The following CDC42BPB variants were observed in gnomAD, a reference collection of about 807,000 sequenced individuals.
CDC42BPB encodes serine/threonine-protein kinase MRCK beta.
CDC42BPB carries 37 observed loss-of-function variants against 214.9 expected under a neutral mutation model. The observed-to-expected ratio is 0.17, with a 90% CI of 0.13 to 0.23. The LOEUF (loss-of-function observed/expected upper bound fraction) is 0.23, where lower values mean the gene tolerates loss of function less well. Among genes scored for constraint, CDC42BPB ranks in the 10% least tolerant of loss-of-function variants. The probability of loss-of-function intolerance (pLI) is 1.00; values close to 1 mark genes in which losing one functional copy is unlikely to be tolerated. For synonymous variants in CDC42BPB, 931 were observed against 884.0 expected (o/e 1.05, Z -0.94); for missense variants, 1,694 against 2,227.0 (o/e 0.76, Z 4.82).
chr14:103,056,511 G>T (rs1032509163), intron 1 of CDC42BPB, among the ~76,000 whole-genome samples: 2 of 152,036 alleles, frequency 1.3e-5, no homozygotes, highest in African/African-American at 4.8e-5. Flanking sequence ...AGAGAAGCGT[G>T]GGGTGGGGAA....
At chr14:102,950,317 C>A in intron 25 of CDC42BPB, 149 bp downstream of exon 25, 1 of 1,127,566 alleles carries the variant, frequency 8.9e-7, no homozygotes, top group Non-Finnish European at 1.3e-6. Flanking sequence ...GACCTGATGG[C>A]CTCAGTGCCC....
rs185163725 is a variant in CDC42BPB, at chr14:103,053,577, C to T, written c.175+3422G>A. On this transcript the variant is annotated intron_variant, in intron 1 of 36. Transcript: ENST00000361246. The stretch of plus-strand genomic sequence containing the variant: ...GAGATCGAGACCATCCTGGCTAACA[C>T]GGTGAAACCCCGTCTCTACTAAAAA... Among the ~76,000 whole-genome samples the T allele has an allele frequency of 5.1e-3, 770 of 151,046 alleles. 6 individuals are homozygous for T. Among genetic ancestry groups the T allele is most frequent in the African/African-American group, 0.015 (605 of 41,234 alleles).
intron 14 of CDC42BPB, 58 bp downstream of exon 14, chr14:102,970,093 C>T (rs376719574): frequency 1.5e-4 from 208 of 1,345,142 alleles, no homozygotes; most frequent in African/African-American, 6.3e-4. Context: ...CATGTGGTGG[C>T]GTCAGCAAAG....
chr14:102,963,892 C>T lies in CDC42BPB; in HGVS notation c.2726+610G>A, dbSNP rs116378942. ...AATTCTGTTAGAGACACTGTCCCTTCCAGGTCCTCGCCTGCCTCATGGCAC... is the reference window on the plus strand; with the variant it reads ...AATTCTGTTAGAGACACTGTCCCTTTCAGGTCCTCGCCTGCCTCATGGCAC... On this transcript the variant is annotated intron_variant, in intron 19 of 36. Coordinates refer to ENST00000361246, the MANE Select transcript of CDC42BPB (RefSeq NM_006035.4). Among the ~76,000 whole-genome samples, 855 of 152,324 alleles carry T rather than the reference C, an allele frequency of 5.6e-3. 10 individuals are homozygous for T. The highest frequency in any genetic ancestry group is 0.02 in the African/African-American group (830 of 41,570).
chr14:102,972,688 C>CAAAAAAAAAAAAAAAAAAA, intron 12 of CDC42BPB, among the ~76,000 whole-genome samples: 1 of 44,978 alleles, frequency 2.2e-5, no homozygotes, highest in Non-Finnish European at 3.9e-5. Flanking sequence ...GACTCTGCCT[C>CAAAAAAAAAAAAAAAAAAA]AAAAAAAAAA....
chr14:102,981,246 G>C (rs1893983554), intron 7 of CDC42BPB: 3 of 923,124 alleles, frequency 3.2e-6, no homozygotes, highest in Non-Finnish European at 2.6e-6. Flanking sequence ...CACACTGCAT[G>C]TAAATGACAC....
rs149028626 is a variant in CDC42BPB, at chr14:103,036,973, G to A, written c.175+20026C>T. Among the ~76,000 whole-genome samples, 56 of 151,882 alleles carry A rather than the reference G, an allele frequency of 3.7e-4. No homozygotes were observed. The East Asian group carries it at 7.4e-3, about 20-fold the overall frequency. On this transcript the variant is annotated intron_variant, in intron 1 of 36. Transcript: ENST00000361246. ...CTAGGACACAGGCCCACACCACCACGTCCAGCTAATTTTTGTGTTTTTTTT... is the reference window on the plus strand; with the variant it reads ...CTAGGACACAGGCCCACACCACCACATCCAGCTAATTTTTGTGTTTTTTTT...
At chr14:102,968,120 A>C (rs1893302090) in intron 16 of CDC42BPB, 133 bp downstream of exon 16, 1 of 648,298 alleles carries the variant, frequency 1.5e-6, no homozygotes, top group Non-Finnish European at 2.6e-6. Context: ...AACTTCCAAG[A>C]CTCAAGAATG....
chr14:102,987,817 ACACACACG>A (rs1251169505), intron 5 of CDC42BPB, among the ~76,000 whole-genome samples: 4 of 151,698 alleles, frequency 2.6e-5, no homozygotes, highest in African/African-American at 7.3e-5. Context: ...ACACACACAC[ACACACACG>A]GCCAGGTGCA....
chr14:102,945,098 G>T (rs1048325794), intron 29 of CDC42BPB: 1 of 360,618 alleles, frequency 2.8e-6, no homozygotes, highest in Non-Finnish European at 5.6e-6. Context: ...CTCGCCCAGC[G>T]GCTGCCCCGC....
intron 1 of CDC42BPB, chr14:103,041,955 G>A: frequency 2.8e-6 from 1 of 357,612 alleles, no homozygotes; most frequent in Non-Finnish European, 5.6e-6. Context: ...GTAAGAAGGA[G>A]AAAGCCCAAG....
At position 102,975,874 on chromosome 14, in the gene CDC42BPB, T is replaced by C. The variant is rs907486919; in HGVS notation, c.1387+9A>G. On this transcript the variant is annotated intron_variant, in intron 10 of 36. Transcript: ENST00000361246. ...CCCCGCCTGGCCCCGGAGCCGGCGC[T>C]GCCCTCACCTTGCAGCTTCCTGCTC... 1 of 1,614,008 alleles carries C rather than the reference T, an allele frequency of 6.2e-7. No homozygotes were observed. Among genetic ancestry groups the C allele is most frequent in the African/African-American group, 1.3e-5 (1 of 74,938 alleles).
intron 1 of CDC42BPB, among the ~76,000 whole-genome samples, chr14:103,056,307 A>G (rs1888945361): frequency 6.6e-6 from 1 of 152,224 alleles, no homozygotes; most frequent in African/African-American, 2.4e-5. Flanking sequence ...TATTTAAAAT[A>G]AAGCCTTAAC....
intron 21 of CDC42BPB, among the ~76,000 whole-genome samples, chr14:102,958,255 G>A (rs756720187): frequency 2.6e-5 from 4 of 152,188 alleles, no homozygotes; most frequent in Admixed American, 1.3e-4. Flanking sequence ...TGCCCCAATC[G>A]TAGGAAATAA....
chr14:103,047,145 T>C (rs1287236929), intron 1 of CDC42BPB, among the ~76,000 whole-genome samples: 1 of 148,492 alleles, frequency 6.7e-6, no homozygotes, highest in Non-Finnish European at 1.5e-5. Context: ...TTAGCTGGGC[T>C]TGGTGGTGGA....
intron 1 of CDC42BPB, among the ~76,000 whole-genome samples, chr14:103,036,153 CTTT>C (rs564909240): frequency 7.4e-5 from 10 of 135,938 alleles, no homozygotes; most frequent in African/African-American, 8.3e-5. Flanking sequence ...ATAAAATATT[CTTT>C]TTTTTTTTTT....
In CDC42BPB at chr14:103,041,640, G is replaced by C. The variant is rs1037345040; in HGVS notation, c.175+15359C>G. 6.0e-5 allele frequency: 41 copies of C among 687,528 alleles called. 2 individuals carry two copies. The South Asian group carries it at 6.8e-4, about 11-fold the overall frequency. 42.6% of individuals were successfully genotyped at this position (687,528 alleles called of 1,614,324 possible). On this transcript the variant is annotated intron_variant, in intron 1 of 36. Coordinates refer to ENST00000361246, the MANE Select transcript of CDC42BPB (RefSeq NM_006035.4). ...CGTTGGGACCCATCCGGCCCATCGT[G>C]TGGTGCCGCACAGTGCGAAATCACA...
chr14:102,962,779 G>A lies in CDC42BPB; in HGVS notation c.2821+282C>T, dbSNP rs566855450. On this transcript the variant is annotated intron_variant, in intron 20 of 36. Coordinates refer to ENST00000361246, the MANE Select transcript of CDC42BPB (RefSeq NM_006035.4). Reference sequence around the variant, plus strand: ...GAGGCGGGAGAATCCTTGAACCCAGGATGCAGAGGTTGCAGTGAGCCGAGA... The same window carrying A: ...GAGGCGGGAGAATCCTTGAACCCAGAATGCAGAGGTTGCAGTGAGCCGAGA... Among the ~76,000 whole-genome samples the A allele has an allele frequency of 5.3e-5, 8 of 152,270 alleles. No individual in the cohort carries two copies. The East Asian group carries it at 5.8e-4, about 11-fold the overall frequency.
chr14:103,003,969 TC>T lies in CDC42BPB; in HGVS notation c.405del (p.Trp135Ter). The T allele has an allele frequency of 6.2e-7, 1 of 1,611,684 alleles. No individual in the cohort carries two copies. The highest frequency in any genetic ancestry group is 8.5e-7 in the Non-Finnish European group (1 of 1,179,510). Reference sequence around the variant, plus strand: ...TGAAAGGCGTAGTGCAGCGCGGTGATCCACTGGCAGTCGCCGTTCACCAGCA... The same window carrying T: ...TGAAAGGCGTAGTGCAGCGCGGTGATCACTGGCAGTCGCCGTTCACCAGCA... ...RDVLVNGDCQ[W>X]ITALHYAFQD... On this transcript the variant is annotated frameshift_variant, in exon 4 of 37. Transcript: ENST00000361246. LOFTEE classifies it high-confidence loss of function.
Sources: allele counts gnomAD v4.1 joint callset (sites outside exome capture counted in the v4.1 genomes callset), GRCh38; gene constraint gnomAD v4.1.1; transcripts MANE v1.5; gene names NCBI Gene and HGNC (gene_info 2026-07-23, HGNC 2026-07-21).